The following SNX5 variants were observed in gnomAD, a reference collection of about 807,000 sequenced individuals.
SNX5 encodes sorting nexin 5.
SNX5 carries 31 observed loss-of-function variants against 53.9 expected under a neutral mutation model. That is an observed-to-expected ratio of 0.58 (90% confidence interval 0.43 to 0.78). The LOEUF (loss-of-function observed/expected upper bound fraction) is 0.78. Ranked by LOEUF, SNX5 falls within the 30% of genes least tolerant of loss-of-function variation. SNX5 has a pLI of 0.00. For missense variants in SNX5, 471 were observed against 478.8 expected, an observed-to-expected ratio of 0.98 and a Z score of 0.15; for synonymous variants, 168 against 171.1, an observed-to-expected ratio of 0.98 and a Z score of 0.14.
chr20:17,968,032 G>C (rs917006410), intron 1 of SNX5: 6 of 398,384 alleles, frequency 1.5e-5, no homozygotes, highest in African/African-American at 1.2e-4. Flanking sequence ...TCAATTTCAC[G>C]TTCACCTACT....
chr20:17,956,859 T>C lies in SNX5; in HGVS notation c.156+74A>G, dbSNP rs190699532. 1.7e-4 allele frequency: 141 copies of C among 812,020 alleles called. No homozygotes were observed. In the African/African-American group the frequency reaches 2.2e-3, roughly 13 times the overall value. 50.3% of individuals were successfully genotyped at this position (812,020 alleles called of 1,614,324 possible). A position where few individuals can be genotyped will look rare whatever the true frequency, so the allele number is the denominator to read the frequency against. ...TAGCAACTGTTTCAAGCTCAGGGAATCTCTTCTCACATCCACTGTGAATAA... is the reference window on the plus strand; with the variant it reads ...TAGCAACTGTTTCAAGCTCAGGGAACCTCTTCTCACATCCACTGTGAATAA... On this transcript the variant is annotated intron_variant, in intron 2 of 12. Transcript: ENST00000377759.
rs376035090 is a variant in SNX5 at position 17,942,911 on chromosome 20, A to G, written c.1164+199T>C. ...CATCTCTATTAAAAAAAAAAAAAAA[A>G]AGTTGCTAAAAATTAGTCATGGGTG... On this transcript the variant is annotated intron_variant, in intron 12 of 12. Coordinates refer to ENST00000377759, the MANE Select transcript of SNX5 (RefSeq NM_014426.4). 935 of 457,538 alleles carry G rather than the reference A, an allele frequency of 2.0e-3. 3 individuals are homozygous for G. Among genetic ancestry groups the G allele is most frequent in the Middle Eastern group, 8.1e-3 (13 of 1,606 alleles). 28.3% of individuals were successfully genotyped at this position (457,538 alleles called of 1,614,324 possible). A position where few individuals can be genotyped will look rare whatever the true frequency, so the allele number is the denominator to read the frequency against.
rs200913564 is a variant in SNX5 at position 17,954,107 on chromosome 20, G to C, written c.278C>G (p.Ala93Gly). Residue 93 changes from alanine to glycine, a missense_variant, in exon 4 of 13, where the codon GCT becomes GGT. Transcript: ENST00000377759. ...ACCATCAAAGTCGGGCTTCGTAGGA[G>C]CAGGTGGAATCTGCAGCAGAGGCAG... Reference protein sequence around the residue: ...TDYAGLIIPPAPTKPDFDGPR... With the variant: ...TDYAGLIIPPGPTKPDFDGPR... 18 of 1,613,718 alleles carry C rather than the reference G, an allele frequency of 1.1e-5. No individual in the cohort carries two copies. Among genetic ancestry groups the C allele is most frequent in the Admixed American group, 1.7e-5 (1 of 60,004 alleles).
intron 1 of SNX5, chr20:17,962,297 C>CA: frequency 6.0e-6 from 1 of 167,754 alleles, no homozygotes; most frequent in East Asian, 1.7e-4. Context: ...CCCCGGGGTT[C>CA]AATTCTCCCA....
Position 17,968,400 on chromosome 20 carries a change from TGCA to T in SNX5, c.23_25del (p.Leu8del). 1 of 1,287,438 alleles carries T rather than the reference TGCA, an allele frequency of 7.8e-7. No individual in the cohort carries two copies. Among genetic ancestry groups the T allele is most frequent in the Non-Finnish European group, 9.9e-7 (1 of 1,014,068 alleles). 79.8% of individuals were successfully genotyped at this position (1,287,438 alleles called of 1,614,324 possible). ...CTTGCTGCGGTCCTCCTCCTGCTGC[TGCA>T]GCAACTCGGGAACCGCGGCCATGGC... On this transcript the variant is annotated inframe_deletion, in exon 1 of 13. Transcript: ENST00000377759.
At chr20:17,965,100 A>T (rs1186946955) in intron 1 of SNX5, among the ~76,000 whole-genome samples, 1 of 152,328 alleles carries the variant, frequency 6.6e-6, no homozygotes, top group East Asian at 1.9e-4. Context: ...CAACAAGCAC[A>T]CAAAGACTAG....
intron 3 of SNX5, among the ~76,000 whole-genome samples, 191 bp downstream of exon 3, chr20:17,955,174 T>A (rs1219170141): frequency 6.6e-6 from 1 of 152,224 alleles, no homozygotes; most frequent in East Asian, 1.9e-4. Context: ...AATGTAAGCC[T>A]GTATGCACCA....
intron 11 of SNX5, chr20:17,944,545 CTT>C (rs1367765238): frequency 6.6e-6 from 1 of 152,038 alleles, no homozygotes; most frequent in Non-Finnish European, 1.5e-5. Flanking sequence ...TCATCTACTC[CTT>C]TTTCTTTTTT....
intron 12 of SNX5, 108 bp downstream of exon 12, chr20:17,943,002 A>C (rs1186786861): frequency 1.3e-6 from 1 of 746,286 alleles, no homozygotes; most frequent in Non-Finnish European, 2.4e-6. Flanking sequence ...ACAGACGATT[A>C]ATACCACAAG....
At chr20:17,963,430 AACTCG>A (rs1336437499) in intron 1 of SNX5, among the ~76,000 whole-genome samples, 9 of 152,204 alleles carry the variant, frequency 5.9e-5, no homozygotes, top group African/African-American at 2.2e-4. Flanking sequence ...CAGACCACTG[AACTCG>A]AGCCTGGGAG....
rs1332426181 is a variant in SNX5, at chr20:17,944,423, G to T, written c.1079-1228C>A. ...CTGTATTCCACAAATGCAATACAAT[G>T]ACTTGTCGATTAAAAATAAAACTTA... On this transcript the variant is annotated intron_variant, in intron 11 of 12. Coordinates refer to ENST00000377759, the MANE Select transcript of SNX5 (RefSeq NM_014426.4). 4 of 152,158 alleles carry T rather than the reference G, an allele frequency of 2.6e-5. No homozygotes were observed. In the East Asian group the frequency reaches 7.7e-4, roughly 29 times the overall value. 9.4% of individuals were successfully genotyped at this position (152,158 alleles called of 1,614,324 possible).
Position 17,968,591 on chromosome 20 carries a change from G to C in SNX5, c.-166C>G. 1.5e-6 allele frequency: 1 copy of C among 655,934 alleles called. No individual in the cohort carries two copies. The highest frequency in any genetic ancestry group is 2.6e-6 in the Non-Finnish European group (1 of 379,894). The allele number at this position is 655,934 out of a possible 1,614,324, so 40.6% of individuals were successfully genotyped here. On this transcript the variant is annotated 5_prime_UTR_variant, in exon 1 of 13. Coordinates refer to ENST00000377759, the MANE Select transcript of SNX5 (RefSeq NM_014426.4). ...GCCTCCGGACTCCGCCACCATCCCA[G>C]CTGCCCCGGGAGCAGGCGAGCAGGG...
rs1008021371 is a variant in SNX5 at position 17,942,973 on chromosome 20, C to T, written c.1164+137G>A. 1.3e-5 allele frequency: 8 copies of T among 626,166 alleles called. No homozygotes were observed. In the African/African-American group the frequency reaches 1.5e-4, roughly 12 times the overall value. The allele number at this position is 626,166 out of a possible 1,614,324, so 38.8% of individuals were successfully genotyped here. A position where few individuals can be genotyped will look rare whatever the true frequency, so the allele number is the denominator to read the frequency against. On this transcript the variant is annotated intron_variant, in intron 12 of 12. Transcript: ENST00000377759. Reference sequence around the variant, plus strand: ...AAGACTACAAATAAACAATGAGTGGCTCCCATCAACTAAGTACTACAGACG... The same window carrying T: ...AAGACTACAAATAAACAATGAGTGGTTCCCATCAACTAAGTACTACAGACG...
chr20:17,942,960 A>G (rs929921556), intron 12 of SNX5, 150 bp downstream of exon 12: 2 of 617,714 alleles, frequency 3.2e-6, no homozygotes, highest in Non-Finnish European at 5.8e-6. Flanking sequence ...GACTACAAAT[A>G]AACAATGAGT....
chr20:17,968,160 TTC>T, intron 1 of SNX5: 1 of 405,304 alleles, frequency 2.5e-6, no homozygotes, highest in South Asian at 1.2e-4. Flanking sequence ...GCGTCTCTGG[TTC>T]TGTCCTAATA....
Position 17,942,227 on chromosome 20 carries a change from A to C in SNX5, c.*130T>G. ...ATGGTTAAATGTTAAGATTTGTAGA[A>C]ATCAAAATATTTATTCACATAATTT... is the stretch of plus-strand genomic sequence containing the variant. On this transcript the variant is annotated 3_prime_UTR_variant, in exon 13 of 13. Transcript: ENST00000377759. 1 of 648,552 alleles carries C rather than the reference A, an allele frequency of 1.5e-6. No homozygotes were observed. The highest frequency in any genetic ancestry group is 2.7e-6 in the Non-Finnish European group (1 of 364,230). 40.2% of individuals were successfully genotyped at this position (648,552 alleles called of 1,614,324 possible). A position where few individuals can be genotyped will look rare whatever the true frequency, so the allele number is the denominator to read the frequency against.
chr20:17,953,047 T>A (rs917304845), intron 4 of SNX5, among the ~76,000 whole-genome samples: 1 of 152,228 alleles, frequency 6.6e-6, no homozygotes, highest in African/African-American at 2.4e-5. Context: ...AGCCTAAGTA[T>A]ACAGCATGAG....
intron 4 of SNX5, 68 bp from the exon 5 acceptor site, chr20:17,952,778 T>A: frequency 1.9e-6 from 3 of 1,570,686 alleles, no homozygotes; most frequent in Non-Finnish European, 2.6e-6. Context: ...CCACTCCTGA[T>A]TAATTCTATG....
chr20:17,950,623 C>T (rs2039553817), intron 6 of SNX5, among the ~76,000 whole-genome samples: 2 of 152,218 alleles, frequency 1.3e-5, no homozygotes, highest in African/African-American at 4.8e-5. Context: ...CACTTAACAA[C>T]CACCAGTAAA....
Sources: gnomAD v4.1 joint callset for allele counts (sites outside exome capture counted in the v4.1 genomes callset) on GRCh38, gnomAD v4.1.1 for gene constraint, MANE v1.5 for transcripts, NCBI Gene and HGNC (gene_info 2026-07-23, HGNC 2026-07-21) for gene names.